HEXB: variants seen among roughly 807,000 people sequenced by gnomAD.
The protein encoded by HEXB is beta-hexosaminidase subunit beta.
HEXB carries 51 observed loss-of-function variants against 71.2 expected under a neutral mutation model. That is an observed-to-expected ratio of 0.72 (90% CI 0.57 to 0.90). The LOEUF (loss-of-function observed/expected upper bound fraction) is 0.90. Ranked by LOEUF, HEXB falls within the 40% of genes least tolerant of loss-of-function variation. HEXB has a pLI of 0.00. For synonymous variants in HEXB, 266 were observed against 249.3 expected (o/e 1.07, Z -0.63); for missense variants, 617 against 677.0 (o/e 0.91, Z 0.98).
intron 1 of HEXB, among the ~76,000 whole-genome samples, chr5:74,653,325 T>C (rs1748157656): frequency 6.6e-6 from 1 of 152,246 alleles, no homozygotes; most frequent in Non-Finnish European, 1.5e-5. Context: ...CACTCCTGGA[T>C]CATTCAGTGA....
At chr5:74,707,052 A>G (rs549469470) in intron 6 of HEXB, among the ~76,000 whole-genome samples, 287 of 152,398 alleles carry the variant, frequency 1.9e-3, no homozygotes, top group African/African-American at 6.6e-3. Flanking sequence ...CAGTAGGGGC[A>G]GACTGACACC....
intron 9 of HEXB, among the ~76,000 whole-genome samples, 173 bp from the exon 10 acceptor site, chr5:74,718,118 A>C (rs773173514): frequency 6.6e-6 from 1 of 152,232 alleles, no homozygotes; most frequent in African/African-American, 2.4e-5. Context: ...CAAGTGCTAA[A>C]AAGGAGGAAC....
intron 1 of HEXB, 152 bp downstream of exon 1, chr5:74,685,711 C>A: frequency 3.0e-6 from 2 of 669,468 alleles, no homozygotes; most frequent in Non-Finnish European, 4.8e-6. Context: ...ATGGACTGAA[C>A]CCACGCTCTT....
intron 11 of HEXB, 119 bp downstream of exon 11, chr5:74,719,090 T>C: frequency 6.8e-6 from 6 of 886,242 alleles, no homozygotes; most frequent in South Asian, 1.4e-5. Flanking sequence ...CCAGAAGTCT[T>C]TACCTAGATA....
intron 1 of HEXB, among the ~76,000 whole-genome samples, chr5:74,667,418 A>C (rs564620189): frequency 7.3e-6 from 1 of 136,174 alleles, no homozygotes. Flanking sequence ...AAACTCTCTC[A>C]AAAAAAAAAA....
At chr5:74,705,091 C>CAAAAA (rs10644603) in intron 5 of HEXB, 128 bp from the exon 6 acceptor site, 4 of 441,980 alleles carry the variant, frequency 9.1e-6, no homozygotes, top group African/African-American at 2.8e-5. Context: ...GACCCTGTCT[C>CAAAAA]AAAAAAAAAA....
At chr5:74,682,218 C>T (rs1300651946), upstream of HEXB, among the ~76,000 whole-genome samples, 2 of 152,138 alleles carry the variant, frequency 1.3e-5, no homozygotes, top group East Asian at 3.9e-4. Context: ...ATTAGCCGGG[C>T]GTGGTGGCGG....
chr5:74,689,234 A>C, intron 1 of HEXB, 94 bp from the exon 2 acceptor site: 2 of 921,954 alleles, frequency 2.2e-6, no homozygotes, highest in Non-Finnish European at 3.6e-6. Context: ...GGCAGCATGG[A>C]TTTGAGGAGT....
chr5:74,713,693 T>C, intron 7 of HEXB, 58 bp downstream of exon 7: 4 of 1,432,472 alleles, frequency 2.8e-6, no homozygotes, highest in Non-Finnish European at 2.0e-6. Context: ...AGATGGAGTC[T>C]TGTTCTGTCA....
At chr5:74,697,988 A>G (rs1387299354) in intron 5 of HEXB, among the ~76,000 whole-genome samples, 1 of 151,852 alleles carries the variant, frequency 6.6e-6, no homozygotes, top group Non-Finnish European at 1.5e-5. Flanking sequence ...GCCAATTTGT[A>G]GGGGTGGGGA....
chr5:74,670,050 G>GC (rs1189121156), intron 1 of HEXB, among the ~76,000 whole-genome samples: 1 of 152,174 alleles, frequency 6.6e-6, no homozygotes, highest in Non-Finnish European at 1.5e-5. Flanking sequence ...AAGAGAGTTT[G>GC]AAGCCTGAAA....
At chr5:74,685,214 C>T, upstream of HEXB, 1 of 1,465,954 alleles carries the variant, frequency 6.8e-7, no homozygotes, top group East Asian at 2.8e-5. Context: ...GAAGTCGGGT[C>T]CCGAGGCTCC....
At chr5:74,645,489 T>C (rs934900754) in intron 1 of HEXB, among the ~76,000 whole-genome samples, 2 of 152,248 alleles carry the variant, frequency 1.3e-5, no homozygotes. Context: ...CTTTGTCCCG[T>C]AAGTACTAAG....
At chr5:74,661,624 T>C (rs573382134) in intron 1 of HEXB, among the ~76,000 whole-genome samples, 36 of 150,378 alleles carry the variant, frequency 2.4e-4, no homozygotes, top group Middle Eastern at 3.4e-3. Context: ...CTCAAACTCC[T>C]GGCCTCAAGG....
In HEXB at chr5:74,720,442, AAAC is replaced by A; in HGVS notation, c.1436_1438del (p.Gln479del). 6.2e-7 allele frequency: 1 copy of A among 1,612,182 alleles called. No individual in the cohort carries two copies. ...TTTTAATTTAGGTACTCAGAAACAGAAACAACTTTTCATTGGTGGAGAAGCTTG... is the reference window on the plus strand; with the variant it reads ...TTTTAATTTAGGTACTCAGAAACAGAAACTTTTCATTGGTGGAGAAGCTTG... On this transcript the variant is annotated inframe_deletion, in exon 12 of 14. Transcript: ENST00000261416.
chr5:74,682,667 A>G (rs145157442), upstream of HEXB, among the ~76,000 whole-genome samples: 1 of 152,350 alleles, frequency 6.6e-6, no homozygotes, highest in East Asian at 1.9e-4. Flanking sequence ...TGGAAACATT[A>G]TGCCGTGCTT....
chr5:74,720,745 C>A lies in HEXB; in HGVS notation c.1611C>A (p.Val537=), dbSNP rs774479755. 1.2e-6 allele frequency: 2 copies of A among 1,610,250 alleles called. No individual in the cohort carries two copies. The highest frequency in any genetic ancestry group is 2.2e-5 in the East Asian group (1 of 44,848). The change falls in exon 13 of 14, where the codon GTC becomes GTA. Residue 537 remains valine, a splice_region_variant and synonymous_variant. Transcript: ENST00000261416. Reference sequence around the variant, plus strand: ...TGACAAGGCACCGCTGCAGGATGGTCGAGTAAGAAATCTATTAAGTCCAGT... The same window carrying A: ...TGACAAGGCACCGCTGCAGGATGGTAGAGTAAGAAATCTATTAAGTCCAGT... ...DRLTRHRCRM[V]ERGIAAQPLY... is the part of the protein sequence containing the mutation.
chr5:74,654,525 G>C (rs1262978496), intron 1 of HEXB, among the ~76,000 whole-genome samples: 1 of 152,056 alleles, frequency 6.6e-6, no homozygotes, highest in Non-Finnish European at 1.5e-5. Context: ...TGGTTAAGAG[G>C]GTCCAATATA....
chr5:74,713,279 CTT>C (rs1334528028), intron 6 of HEXB, among the ~76,000 whole-genome samples: 9 of 152,170 alleles, frequency 5.9e-5, no homozygotes, highest in Non-Finnish European at 1.5e-5. Flanking sequence ...GGCTATCATC[CTT>C]TGAGTATGTA....
Sources: gnomAD v4.1 joint callset for allele counts (sites outside exome capture counted in the v4.1 genomes callset) on GRCh38, gnomAD v4.1.1 for gene constraint, MANE v1.5 for transcripts, NCBI Gene and HGNC (gene_info 2026-07-23, HGNC 2026-07-21) for gene names.